The following GMPS variants were observed in gnomAD, a reference collection of about 807,000 sequenced individuals.
GMPS encodes the protein GMP synthase [glutamine-hydrolyzing].
In GMPS, 15 loss-of-function variants were observed where a neutral mutation model predicts 77.9. That is an observed-to-expected ratio of 0.19 (90% CI 0.13 to 0.30). GMPS has a LOEUF of 0.30. Among genes scored for constraint, GMPS ranks in the 10% least tolerant of loss-of-function variants. GMPS has a pLI of 1.00. For missense variants in GMPS, 590 were observed against 838.8 expected (o/e 0.70, Z 3.66); for synonymous variants, 224 against 275.9 (o/e 0.81, Z 1.86).
In GMPS at chr3:155,928,216, G is replaced by A. The variant is rs898985456; in HGVS notation, c.1560+2850G>A. ...TAATTTTTTGTATTTTAGTAGAGACGGGGTTTCACCACGTTGCCCAGGTTG... is the reference window on the plus strand; with the variant it reads ...TAATTTTTTGTATTTTAGTAGAGACAGGGTTTCACCACGTTGCCCAGGTTG... On this transcript the variant is annotated intron_variant, in intron 12 of 15. Coordinates refer to ENST00000496455, the MANE Select transcript of GMPS (RefSeq NM_003875.3). Among the ~76,000 whole-genome samples the A allele has an allele frequency of 8.0e-4, 121 of 151,672 alleles. 1 individual carries two copies. Among genetic ancestry groups the A allele is most frequent in the African/African-American group, 2.9e-3 (118 of 41,382 alleles).
At chr3:155,895,614 C>G (rs1476853396) in intron 2 of GMPS, 1 of 152,068 alleles carries the variant, frequency 6.6e-6, no homozygotes, top group African/African-American at 2.4e-5. Context: ...CGCGGCCCAC[C>G]TATTTTTAGA....
chr3:155,884,784 A>G (rs1213696110), intron 1 of GMPS, among the ~76,000 whole-genome samples: 2 of 152,200 alleles, frequency 1.3e-5, no homozygotes, highest in African/African-American at 4.8e-5. Context: ...TGATTAGGGT[A>G]TGTGTATGGG....
chr3:155,890,141 T>C (rs1035826095), intron 1 of GMPS, among the ~76,000 whole-genome samples: 1 of 152,372 alleles, frequency 6.6e-6, no homozygotes, highest in Middle Eastern at 3.4e-3. Flanking sequence ...TGACAGTTGC[T>C]GCATAGGCAA....
chr3:155,894,835 T>C (rs1006815318), intron 2 of GMPS, among the ~76,000 whole-genome samples: 1 of 152,196 alleles, frequency 6.6e-6, no homozygotes, highest in African/African-American at 2.4e-5. Context: ...GCTCTGGTGT[T>C]AGGATACAGA....
chr3:155,922,626 G>C (rs1486799092), intron 11 of GMPS, among the ~76,000 whole-genome samples: 5 of 152,136 alleles, frequency 3.3e-5, no homozygotes, highest in Admixed American at 2.6e-4. Flanking sequence ...AAAGCTGTCT[G>C]CTCCTCTGAG....
chr3:155,907,808 A>T (rs1754931102), intron 5 of GMPS, among the ~76,000 whole-genome samples: 1 of 152,218 alleles, frequency 6.6e-6, no homozygotes, highest in Admixed American at 6.5e-5. Flanking sequence ...GACATTGGAC[A>T]TGAAGAAAAT....
chr3:155,925,124 A>T, intron 11 of GMPS, 117 bp from the exon 12 acceptor site: 1 of 836,990 alleles, frequency 1.2e-6, no homozygotes, highest in Admixed American at 2.6e-5. Flanking sequence ...ACTCAAGGAG[A>T]TACCAAATAC....
chr3:155,925,820 G>C (rs1403581316), intron 12 of GMPS, among the ~76,000 whole-genome samples: 2 of 152,076 alleles, frequency 1.3e-5, no homozygotes, highest in Non-Finnish European at 2.9e-5. Flanking sequence ...CTGCAGGAAG[G>C]CCTCCAGATG....
intron 1 of GMPS, among the ~76,000 whole-genome samples, chr3:155,886,436 G>T (rs1377422958): frequency 1.3e-5 from 2 of 151,234 alleles, no homozygotes; most frequent in African/African-American, 4.9e-5. Context: ...TTAGCCGGGC[G>T]TGGTGGCAGG....
intron 3 of GMPS, among the ~76,000 whole-genome samples, chr3:155,899,750 C>A (rs1051629712): frequency 2.0e-5 from 3 of 152,146 alleles, no homozygotes; most frequent in African/African-American, 7.2e-5. Flanking sequence ...TTGTGCTTTA[C>A]CTGTTCATCC....
At chr3:155,881,093 A>G (rs1754196047) in intron 1 of GMPS, among the ~76,000 whole-genome samples, 1 of 149,734 alleles carries the variant, frequency 6.7e-6, no homozygotes, top group South Asian at 2.1e-4. Context: ...GTATATATTT[A>G]TGGGGTACAA....
chr3:155,924,303 G>T (rs1467458717), intron 11 of GMPS, among the ~76,000 whole-genome samples: 1 of 152,192 alleles, frequency 6.6e-6, no homozygotes, highest in Non-Finnish European at 1.5e-5. Flanking sequence ...AACAAACATG[G>T]ACTGTATAAA....
chr3:155,922,072 T>G, intron 10 of GMPS, 115 bp from the exon 11 acceptor site: 2 of 537,484 alleles, frequency 3.7e-6, no homozygotes, highest in Non-Finnish European at 6.6e-6. Context: ...GATGGGCAGA[T>G]GGATTTTAAT....
chr3:155,935,076 C>T (rs915361724), intron 14 of GMPS, 30 bp downstream of exon 14: 5 of 1,537,058 alleles, frequency 3.3e-6, no homozygotes, highest in African/African-American at 1.4e-5. Flanking sequence ...GATTACTACC[C>T]TCTGAAACTA....
intron 12 of GMPS, among the ~76,000 whole-genome samples, chr3:155,929,959 A>G (rs1474485214): frequency 2.0e-5 from 3 of 146,978 alleles, no homozygotes; most frequent in Non-Finnish European, 4.5e-5. Flanking sequence ...TTACAGATTC[A>G]GTGCCATCCC....
chr3:155,926,954 C>T (rs967189795), intron 12 of GMPS, among the ~76,000 whole-genome samples: 7 of 151,228 alleles, frequency 4.6e-5, no homozygotes, highest in Non-Finnish European at 1.0e-4. Context: ...GCGGAGGTTG[C>T]GGTGGGCCAA....
At position 155,903,965 on chromosome 3, in the gene GMPS, TACATTTTTAGATGAATAAGA is replaced by T; in HGVS notation, c.422+9_422+28del. 1 of 1,156,162 alleles carries T rather than the reference TACATTTTTAGATGAATAAGA, an allele frequency of 8.6e-7. No homozygotes were observed. Among genetic ancestry groups the T allele is most frequent in the East Asian group, 2.5e-5 (1 of 40,178 alleles). 71.6% of individuals were successfully genotyped at this position (1,156,162 alleles called of 1,614,324 possible). ...TAATACATGTTCATTATTCAGGTATTACATTTTTAGATGAATAAGAACAATAGTAATTAACTAATTTAAAG... is the reference window on the plus strand; with the variant it reads ...TAATACATGTTCATTATTCAGGTATTACAATAGTAATTAACTAATTTAAAG... On this transcript the variant is annotated splice_donor_region_variant and intron_variant, in intron 4 of 15. Coordinates refer to ENST00000496455, the MANE Select transcript of GMPS (RefSeq NM_003875.3).
chr3:155,889,895 G>A (rs1345726400), intron 1 of GMPS, among the ~76,000 whole-genome samples: 2 of 152,158 alleles, frequency 1.3e-5, no homozygotes, highest in African/African-American at 2.4e-5. Flanking sequence ...ATAGCTTTAT[G>A]TAAATAGATA....
chr3:155,914,348 T>C (rs577736548), intron 7 of GMPS, 71 bp from the exon 8 acceptor site: 139 of 1,125,792 alleles, frequency 1.2e-4, no homozygotes, highest in Middle Eastern at 2.1e-4. Context: ...TTTCTTTCTG[T>C]ATTTTGACTT....
Sources: gnomAD v4.1 joint callset for allele counts (sites outside exome capture counted in the v4.1 genomes callset) on GRCh38, gnomAD v4.1.1 for gene constraint, MANE v1.5 for transcripts, NCBI Gene and HGNC (gene_info 2026-07-23, HGNC 2026-07-21) for gene names.